Variants in CAMKMT observed in about 807,000 individuals in gnomAD.
CAMKMT encodes the protein CaM KMT.
CAMKMT carries 53 observed loss-of-function variants against 48.0 expected under a neutral mutation model. The ratio of observed to expected loss-of-function variants is 1.10; its 90% confidence interval spans 0.89 to 1.39. The LOEUF is 1.39. Among genes scored for constraint, CAMKMT ranks in the 40% most tolerant of loss-of-function variants. The pLI, the probability that CAMKMT is intolerant of heterozygous loss-of-function variation, is 0.00. For missense variants in CAMKMT, 428 were observed against 402.7 expected (o/e 1.06, Z -0.54); for synonymous variants, 165 against 152.3 (o/e 1.08, Z -0.61).
intron 3 of CAMKMT, among the ~76,000 whole-genome samples, chr2:44,611,455 A>G (rs1368052032): frequency 6.6e-6 from 1 of 151,920 alleles, no homozygotes; most frequent in Non-Finnish European, 1.5e-5. Context: ...AAAAAAAAGT[A>G]TCTACCCAGA....
chr2:44,558,955 C>T (rs1168067052), intron 3 of CAMKMT, among the ~76,000 whole-genome samples: 1 of 151,110 alleles, frequency 6.6e-6, no homozygotes, highest in Non-Finnish European at 1.5e-5. Context: ...AAATGTGTCT[C>T]TGTGTGTGTG....
At chr2:44,524,598 G>T (rs558210750) in intron 3 of CAMKMT, among the ~76,000 whole-genome samples, 2 of 149,418 alleles carry the variant, frequency 1.3e-5, no homozygotes, top group Non-Finnish European at 3.0e-5. Context: ...TCATCAAGCA[G>T]TGTACACTGG....
intron 3 of CAMKMT, among the ~76,000 whole-genome samples, chr2:44,400,464 A>G (rs1408727350): frequency 6.6e-6 from 1 of 152,174 alleles, no homozygotes; most frequent in Non-Finnish European, 1.5e-5. Flanking sequence ...ATGGACATTC[A>G]GATTTGCAAT....
intron 7 of CAMKMT, among the ~76,000 whole-genome samples, chr2:44,730,210 C>G (rs1409560680): frequency 1.3e-5 from 2 of 152,180 alleles, no homozygotes; most frequent in Non-Finnish European, 2.9e-5. Context: ...CCTCCAAACC[C>G]TGGCCTCTTC....
intron 3 of CAMKMT, among the ~76,000 whole-genome samples, chr2:44,409,874 G>T (rs937980601): frequency 1.3e-5 from 2 of 152,042 alleles, no homozygotes; most frequent in Non-Finnish European, 2.9e-5. Context: ...TATTTACCAT[G>T]CTAGACAATC....
intron 3 of CAMKMT, among the ~76,000 whole-genome samples, chr2:44,424,960 G>A (rs1684185021): frequency 6.6e-6 from 1 of 152,108 alleles, no homozygotes; most frequent in Non-Finnish European, 1.5e-5. Flanking sequence ...GGACAAAACT[G>A]TAAAGTTTTT....
chr2:44,554,343 A>C (rs749955090), intron 3 of CAMKMT, among the ~76,000 whole-genome samples: 2 of 152,184 alleles, frequency 1.3e-5, no homozygotes, highest in African/African-American at 2.4e-5. Flanking sequence ...CCTAGGTTCA[A>C]ATCCTGGCTT....
At chr2:44,747,049 A>G (rs1485216179) in intron 8 of CAMKMT, among the ~76,000 whole-genome samples, 1 of 152,182 alleles carries the variant, frequency 6.6e-6, no homozygotes, top group East Asian at 1.9e-4. Context: ...CTGAAATGCC[A>G]CCCATACCCT....
intron 4 of CAMKMT, among the ~76,000 whole-genome samples, chr2:44,705,095 G>A (rs761138412): frequency 2.6e-5 from 4 of 152,050 alleles, no homozygotes; most frequent in Admixed American, 6.5e-5. Context: ...TGATCATAGC[G>A]TGTGTTTTAA....
At chr2:44,650,879 G>A (rs754875976) in intron 3 of CAMKMT, among the ~76,000 whole-genome samples, 7 of 151,152 alleles carry the variant, frequency 4.6e-5, no homozygotes, top group Non-Finnish European at 7.4e-5. Context: ...GGAAATGACA[G>A]ACTGGAAACA....
intron 3 of CAMKMT, among the ~76,000 whole-genome samples, chr2:44,691,713 G>C (rs1443343071): frequency 6.6e-6 from 1 of 152,166 alleles, no homozygotes; most frequent in African/African-American, 2.4e-5. Flanking sequence ...TCTATAATCA[G>C]ATTGCCTGGG....
intron 3 of CAMKMT, among the ~76,000 whole-genome samples, chr2:44,521,940 G>A (rs1003148676): frequency 2.6e-5 from 4 of 151,900 alleles, no homozygotes; most frequent in Non-Finnish European, 5.9e-5. Flanking sequence ...ATTTTTAAGT[G>A]TACAGTTCGG....
intron 6 of CAMKMT, 143 bp downstream of exon 6, chr2:44,707,605 A>C: frequency 1.7e-6 from 1 of 601,160 alleles, no homozygotes; most frequent in Non-Finnish European, 2.8e-6. Context: ...AAGAAAAAGT[A>C]GAAATATATG....
rs113183692 is a variant in CAMKMT, at chr2:44,615,341, T to C, written c.377-88942T>C. Among the ~76,000 whole-genome samples, 314 of 152,208 alleles carry C rather than the reference T, an allele frequency of 2.1e-3. 1 individual carries two copies. In the Middle Eastern group the frequency reaches 0.024, roughly 12 times the overall value. ...GTAAGTCCAAAGTCAGAGAAACCAT[T>C]TGGGGCCGGGGAAGAGCAATAATCA... On this transcript the variant is annotated intron_variant, in intron 3 of 10. Coordinates refer to ENST00000378494, the MANE Select transcript of CAMKMT (RefSeq NM_024766.5).
At chr2:44,460,207 A>G (rs1333330018) in intron 3 of CAMKMT, among the ~76,000 whole-genome samples, 3 of 152,172 alleles carry the variant, frequency 2.0e-5, no homozygotes, top group East Asian at 1.9e-4. Flanking sequence ...CAGAAGAGGG[A>G]AAAAAAGCCA....
chr2:44,596,515 A>G lies in CAMKMT; in HGVS notation c.377-107768A>G, dbSNP rs1392768949. ...AAATTCTTACATCCATCACAGACCT[A>G]CTGAAACCCAGTCTGTGGATGAATC... On this transcript the variant is annotated intron_variant, in intron 3 of 10. Transcript: ENST00000378494. Among the ~76,000 whole-genome samples, 3 of 152,158 alleles carry G rather than the reference A, an allele frequency of 2.0e-5. No individual in the cohort carries two copies. The South Asian group carries it at 6.2e-4, about 32-fold the overall frequency.
At chr2:44,454,467 C>T (rs937828452) in intron 3 of CAMKMT, among the ~76,000 whole-genome samples, 10 of 151,986 alleles carry the variant, frequency 6.6e-5, no homozygotes, top group African/African-American at 2.4e-4. Context: ...TGTCAGAAAT[C>T]CCCCTCTAAA....
chr2:44,743,569 C>A (rs1288722256), intron 7 of CAMKMT, 53 bp from the exon 8 acceptor site: 3 of 1,340,646 alleles, frequency 2.2e-6, no homozygotes, highest in African/African-American at 2.9e-5. Flanking sequence ...AGCTCAAAAT[C>A]AAAATTTAAA....
intron 3 of CAMKMT, among the ~76,000 whole-genome samples, chr2:44,662,764 A>T (rs113547232): frequency 0.017 from 2,520 of 152,150 alleles, 39 homozygotes; most frequent in African/African-American, 0.052. Context: ...GGATTTTGCC[A>T]TATTGCCCAG....
Sources: gnomAD v4.1 joint callset for allele counts (sites outside exome capture counted in the v4.1 genomes callset) on GRCh38, gnomAD v4.1.1 for gene constraint, MANE v1.5 for transcripts, NCBI Gene and HGNC (gene_info 2026-07-23, HGNC 2026-07-21) for gene names.